The following XKRX variants were observed in gnomAD, a reference collection of about 807,000 sequenced individuals.
XKRX encodes XK related X-linked, also known as XK-related protein 2.
In XKRX, 11 loss-of-function variants were observed where a neutral mutation model predicts 22.4. The observed-to-expected ratio is 0.49, with a 90% CI of 0.31 to 0.81. The LOEUF (loss-of-function observed/expected upper bound fraction) is 0.81, where lower values mean the gene tolerates loss of function less well. Among genes scored for constraint, XKRX ranks in the 40% least tolerant of loss-of-function variants. The pLI, the probability that XKRX is intolerant of heterozygous loss-of-function variation, is 0.05. For synonymous variants in XKRX, 114 were observed against 132.2 expected (o/e 0.86, Z 0.94); for missense variants, 320 against 336.5 (o/e 0.95, Z 0.38).
chrX:100,954,644 C>T, the XKRX span, among the ~76,000 whole-genome samples: 1 of 111,371 alleles, frequency 9.0e-6, no homozygotes, highest in African/African-American at 3.3e-5. Flanking sequence ...TTCATAATAG[C>T]CAAAAAATGA....
intron 2 of XKRX, among the ~76,000 whole-genome samples, chrX:100,920,142 G>A (rs1340682195): frequency 9.6e-6 from 1 of 103,645 alleles, no homozygotes; most frequent in Non-Finnish European, 2.0e-5. Flanking sequence ...GTAATGAGGG[G>A]AAAAAATAAC....
At chrX:100,895,513 G>A in the XKRX span, among the ~76,000 whole-genome samples, 18,441 of 111,147 alleles carry the variant, frequency 0.17, 1,140 homozygotes, top group African/African-American at 0.18. Flanking sequence ...CTTAGGTAAA[G>A]TCGACATTTC....
chrX:100,938,756 C>G, the XKRX span, among the ~76,000 whole-genome samples: 1 of 112,254 alleles, frequency 8.9e-6, no homozygotes, highest in Non-Finnish European at 1.9e-5. Context: ...CCTATTTAAG[C>G]ATGGCAAATT....
chrX:100,911,060 G>A, downstream of XKRX: 1 of 557,068 alleles, frequency 1.8e-6, no homozygotes, highest in Non-Finnish European at 3.3e-6. Flanking sequence ...GGGAAAATGG[G>A]AAGTCCCTCT....
chrX:100,906,918 G>A, the XKRX span, among the ~76,000 whole-genome samples: 1 of 111,372 alleles, frequency 9.0e-6, no homozygotes, highest in East Asian at 2.8e-4. Context: ...CTCCATCTTC[G>A]CATCACCTTT....
downstream of XKRX, among the ~76,000 whole-genome samples, chrX:100,912,922 G>A (rs948118613): frequency 2.7e-5 from 3 of 111,912 alleles, no homozygotes; most frequent in Non-Finnish European, 1.9e-5. Context: ...TCCTGGCCGC[G>A]TGAGGTGGCT....
chrX:100,959,176 G>C, the XKRX span, among the ~76,000 whole-genome samples: 2 of 111,578 alleles, frequency 1.8e-5, no homozygotes, highest in Non-Finnish European at 3.8e-5. Context: ...TTTTTCGAGA[G>C]AATCAAATGA....
the XKRX span, among the ~76,000 whole-genome samples, chrX:100,893,515 A>C: frequency 8.9e-6 from 1 of 112,214 alleles, no homozygotes; most frequent in Non-Finnish European, 1.9e-5. Flanking sequence ...CTGCACACAT[A>C]TGTTTGTCAC....
chrX:100,891,639 C>T, the XKRX span, among the ~76,000 whole-genome samples: 1 of 108,856 alleles, frequency 9.2e-6, no homozygotes, highest in Non-Finnish European at 1.9e-5. Flanking sequence ...GCCTGTAATC[C>T]CAGCACTTTG....
At position 100,928,746 on chromosome X, in the gene XKRX, G is replaced by C; in HGVS notation, c.-442C>G. 1 of 765,489 alleles carries C rather than the reference G, an allele frequency of 1.3e-6. No homozygotes were observed. The allele number at this position is 765,489 out of a possible 1,213,427, so 63.1% of individuals were successfully genotyped here. On this transcript the variant is annotated 5_prime_UTR_variant, in exon 1 of 3. Coordinates refer to ENST00000372956, the MANE Select transcript of XKRX (RefSeq NM_212559.3). ...GACACTCAGCAGCTCCTCACAAAGA[G>C]TCCTGACCAGTGTGTCCTCTCAAGT...
intron 2 of XKRX, among the ~76,000 whole-genome samples, chrX:100,921,599 C>T (rs1011996745): frequency 9.0e-6 from 1 of 111,098 alleles, no homozygotes; most frequent in Non-Finnish European, 1.9e-5. Flanking sequence ...CCTGCCCAAG[C>T]AGATGAAGCA....
At chrX:100,940,100 G>A in the XKRX span, among the ~76,000 whole-genome samples, 2,475 of 111,674 alleles carry the variant, frequency 0.022, 65 homozygotes, top group African/African-American at 0.077. Flanking sequence ...AAACTAAGGG[G>A]CTCTTTAGTT....
downstream of XKRX, among the ~76,000 whole-genome samples, chrX:100,909,523 TC>T (rs1309284251): frequency 8.9e-6 from 1 of 112,359 alleles, no homozygotes; most frequent in African/African-American, 3.2e-5. Context: ...TGGACAGGCC[TC>T]TTAACCTTCT....
intron 2 of XKRX, among the ~76,000 whole-genome samples, chrX:100,917,634 G>C (rs763696599): frequency 4.1e-5 from 2 of 49,034 alleles, no homozygotes; most frequent in Non-Finnish European, 6.7e-5. Flanking sequence ...GAGAAAGAAA[G>C]AAGAAAGAAA....
chrX:100,914,881 A>G lies in XKRX; in HGVS notation c.807T>C (p.Ala269=), dbSNP rs776240287. 19 of 1,210,009 alleles carry G rather than the reference A, an allele frequency of 1.6e-5. No individual in the cohort carries two copies. Among genetic ancestry groups the G allele is most frequent in the Admixed American group, 2.2e-5 (1 of 45,675 alleles). ...VLFSATLKLK[A]VPFLVLNFLI... ...GGAAGTTGAGCACTAGGAAGGGCAC[A>G]GCCTTCAATTTCAAAGTGGCTGAGA... The change falls in exon 3 of 3, where the codon GCT becomes GCC. Residue 269 remains alanine, a synonymous_variant. Transcript: ENST00000372956.
At chrX:100,909,324 G>A (rs999063327), downstream of XKRX, among the ~76,000 whole-genome samples, 39 of 112,137 alleles carry the variant, frequency 3.5e-4, no homozygotes, top group African/African-American at 1.1e-3. Flanking sequence ...GATAAGGAGT[G>A]TTTAAGGGGA....
chrX:100,935,189 A>C, the XKRX span, among the ~76,000 whole-genome samples: 1 of 111,826 alleles, frequency 8.9e-6, no homozygotes, highest in Non-Finnish European at 1.9e-5. Flanking sequence ...AGGAGGTCAC[A>C]CAGTATAGTG....
the XKRX span, among the ~76,000 whole-genome samples, chrX:100,935,640 G>T: frequency 8.9e-6 from 1 of 111,792 alleles, no homozygotes; most frequent in South Asian, 3.8e-4. Context: ...AATTTTATTA[G>T]AACTGCTCTT....
rs1474993135 is a variant in XKRX at position 100,914,742 on chromosome X, T to C, written c.946A>G (p.Thr316Ala). ...AAGTTGATGCCAGCATAGAGGATGG[T>C]GACTGAAATCAGGACCACCAGAGTG... ...VGTLVVLISV[T>A]ILYAGINFSC... Residue 316 changes from threonine to alanine, a missense_variant, in exon 3 of 3, where the codon ACC becomes GCC. Transcript: ENST00000372956. The C allele has an allele frequency of 8.3e-7, 1 of 1,209,830 alleles. No individual in the cohort carries two copies. Among genetic ancestry groups the C allele is most frequent in the East Asian group, 3.0e-5 (1 of 33,756 alleles).
Sources: allele counts gnomAD v4.1 joint callset (sites outside exome capture counted in the v4.1 genomes callset), GRCh38; gene constraint gnomAD v4.1.1; transcripts MANE v1.5; gene names NCBI Gene and HGNC (gene_info 2026-07-23, HGNC 2026-07-21).